Variants in USP34 observed in about 807,000 individuals in gnomAD.
USP34 encodes ubiquitin specific peptidase 34.
In USP34, 70 loss-of-function variants were observed where a neutral mutation model predicts 460.3. The observed-to-expected ratio is 0.15, with a 90% confidence interval of 0.13 to 0.19. The LOEUF is 0.19. Among genes scored for constraint, USP34 ranks in the 10% least tolerant of loss-of-function variants. The pLI, the probability that USP34 is intolerant of heterozygous loss-of-function variation, is 1.00. For synonymous variants in USP34, 1,647 were observed against 1,405.3 expected (o/e 1.17, Z -3.85); for missense variants, 3,985 against 4,236.2 (o/e 0.94, Z 1.65).
At chr2:61,359,158 T>G (rs999327744) in intron 10 of USP34, among the ~76,000 whole-genome samples, 1 of 152,034 alleles carries the variant, frequency 6.6e-6, no homozygotes, top group Non-Finnish European at 1.5e-5. Context: ...AAAAGATGAC[T>G]TTGAAACTTG....
intron 1 of USP34, among the ~76,000 whole-genome samples, chr2:61,469,633 T>C (rs1258692456): frequency 1.3e-5 from 2 of 152,224 alleles, no homozygotes; most frequent in African/African-American, 2.4e-5. Context: ...TTTTAGCGAA[T>C]TGTATTACAA....
intron 76 of USP34, 146 bp downstream of exon 76, chr2:61,192,755 A>T: frequency 1.8e-6 from 1 of 569,592 alleles, no homozygotes; most frequent in Non-Finnish European, 3.1e-6. Context: ...TGTAATAGCT[A>T]GTATTTTCAT....
chr2:61,337,534 G>C (rs1270957160), intron 18 of USP34, among the ~76,000 whole-genome samples: 2 of 152,094 alleles, frequency 1.3e-5, no homozygotes, highest in Non-Finnish European at 2.9e-5. Context: ...ACTCACTGCA[G>C]CCTGAACCTC....
At chr2:61,450,948 G>C (rs544565245) in intron 1 of USP34, among the ~76,000 whole-genome samples, 3 of 150,592 alleles carry the variant, frequency 2.0e-5, no homozygotes, top group Admixed American at 2.0e-4. Context: ...GGCCAGGCAC[G>C]GTGGCTCACA....
intron 1 of USP34, among the ~76,000 whole-genome samples, chr2:61,459,115 T>C (rs1224970408): frequency 2.0e-5 from 3 of 151,954 alleles, no homozygotes; most frequent in African/African-American, 7.3e-5. Context: ...CCCAAATAAA[T>C]CTCTCCACAG....
Position 61,245,544 on chromosome 2 carries a change from G to A in USP34, c.6549-256C>T, listed in dbSNP as rs182752792. On this transcript the variant is annotated intron_variant, in intron 50 of 79. Transcript: ENST00000398571. Reference sequence around the variant, plus strand: ...AAGAATTCATAAAAGAAATAAAAAAGTTTGCTTTAATATAACATGTAACGC... The same window carrying A: ...AAGAATTCATAAAAGAAATAAAAAAATTTGCTTTAATATAACATGTAACGC... Among the ~76,000 whole-genome samples the A allele has an allele frequency of 2.0e-5, 3 of 151,564 alleles. No individual in the cohort carries two copies. In the East Asian group the frequency reaches 5.8e-4, roughly 29 times the overall value.
At position 61,420,825 on chromosome 2, in the gene USP34, C is replaced by T. The variant is rs1055026914; in HGVS notation, c.52G>A (p.Val18Ile). The change falls in exon 2 of 80, where the codon GTA becomes ATA. Residue 18 changes from valine (V) to isoleucine (I), a missense_variant. Transcript: ENST00000398571. ...AGCTGCAGTCCATCACCACCTTCTA[C>T]ATCTGATACTGAAATAAAAAAGAAA... ...LVEVLNEISD[V>I]EGGDGLQLRK... 31 of 1,605,192 alleles carry T rather than the reference C, an allele frequency of 1.9e-5. No individual in the cohort carries two copies. The African/African-American group carries it at 3.8e-4, about 19-fold the overall frequency.
At chr2:61,284,028 G>A (rs890636063) in intron 35 of USP34, among the ~76,000 whole-genome samples, 5 of 151,942 alleles carry the variant, frequency 3.3e-5, no homozygotes, top group South Asian at 2.1e-4. Flanking sequence ...AGGGTGTCTA[G>A]TCAATAAAAA....
At chr2:61,346,968 T>A (rs553175373) in intron 15 of USP34, among the ~76,000 whole-genome samples, 5 of 148,732 alleles carry the variant, frequency 3.4e-5, no homozygotes, top group Non-Finnish European at 4.5e-5. Flanking sequence ...TGAAACCCCA[T>A]CTCTACTAAA....
At chr2:61,259,601 G>A in intron 44 of USP34, 110 bp downstream of exon 44, 1 of 864,982 alleles carries the variant, frequency 1.2e-6, no homozygotes, top group Non-Finnish European at 1.8e-6. Context: ...GCCCAGGCTG[G>A]TCTCAAGCTC....
Position 61,187,943 on chromosome 2 carries a change from G to A in USP34, c.*159C>T. On this transcript the variant is annotated 3_prime_UTR_variant, in exon 80 of 80. Transcript: ENST00000398571. ...TGAAGATGCAAGTTTTTTTCATCTG[G>A]AGTTCTGCCTGACCAAGAATTAAGC... 1.4e-6 allele frequency: 2 copies of A among 1,433,746 alleles called. No individual in the cohort carries two copies. The highest frequency in any genetic ancestry group is 1.6e-5 in the South Asian group (1 of 61,854). 88.8% of individuals were successfully genotyped at this position (1,433,746 alleles called of 1,614,324 possible).
At chr2:61,402,427 C>T (rs539136638) in intron 3 of USP34, among the ~76,000 whole-genome samples, 1 of 152,228 alleles carries the variant, frequency 6.6e-6, no homozygotes, top group African/African-American at 2.4e-5. Context: ...AGGAGTGGCT[C>T]CAAGTTCCCA....
chr2:61,290,365 T>C (rs1159345933), intron 33 of USP34, among the ~76,000 whole-genome samples: 1 of 152,140 alleles, frequency 6.6e-6, no homozygotes, highest in Non-Finnish European at 1.5e-5. Flanking sequence ...AAAACATACA[T>C]ATACCAAATG....
In USP34 at chr2:61,370,586, T is replaced by C. The variant is rs1168220687; in HGVS notation, c.1077-7A>G. 17 of 1,611,680 alleles carry C rather than the reference T, an allele frequency of 1.1e-5. No homozygotes were observed. Among genetic ancestry groups the C allele is most frequent in the Non-Finnish European group, 1.4e-5 (16 of 1,179,458 alleles). On this transcript the variant is annotated splice_region_variant and splice_polypyrimidine_tract_variant and intron_variant, in intron 8 of 79. Transcript: ENST00000398571. ...AAGTTCTTTTGCAATGGACCTAAAG[T>C]CAAGCAATGAAAATAGTACATTAAA...
chr2:61,203,093 G>A (rs1687023026), intron 75 of USP34, 47 bp downstream of exon 75: 2 of 1,460,644 alleles, frequency 1.4e-6, no homozygotes, highest in African/African-American at 1.4e-5. Context: ...AATGACTAGG[G>A]GCTTAAAATA....
At chr2:61,442,162 G>A (rs762055369) in intron 1 of USP34, among the ~76,000 whole-genome samples, 17 of 152,030 alleles carry the variant, frequency 1.1e-4, no homozygotes, top group Non-Finnish European at 1.3e-4. Flanking sequence ...AAGACTACTA[G>A]AACAAAACAG....
At chr2:61,230,482 C>A (rs1241066405) in intron 58 of USP34, among the ~76,000 whole-genome samples, 1 of 152,044 alleles carries the variant, frequency 6.6e-6, no homozygotes, top group Non-Finnish European at 1.5e-5. Flanking sequence ...CGTGATCACG[C>A]CATTGCACTC....
chr2:61,200,057 G>T (rs1472534759), intron 75 of USP34: 1 of 152,280 alleles, frequency 6.6e-6, no homozygotes, highest in Non-Finnish European at 1.5e-5. Context: ...ACCTGTGTGT[G>T]TGCGCATGCA....
intron 2 of USP34, among the ~76,000 whole-genome samples, chr2:61,413,052 G>A (rs891631346): frequency 6.6e-6 from 1 of 152,154 alleles, no homozygotes; most frequent in Non-Finnish European, 1.5e-5. Context: ...CAAAATTTCT[G>A]AAGCTGAGGA....
Sources: allele counts gnomAD v4.1 joint callset (sites outside exome capture counted in the v4.1 genomes callset), GRCh38; gene constraint gnomAD v4.1.1; transcripts MANE v1.5; gene names NCBI Gene and HGNC (gene_info 2026-07-23, HGNC 2026-07-21).